VAV2: variants seen among roughly 807,000 people sequenced by gnomAD.
The protein encoded by VAV2 is guanine nucleotide exchange factor VAV2.
A neutral mutation model predicts 132.5 loss-of-function variants in VAV2; 67 were observed. That is an observed-to-expected ratio of 0.51 (90% CI 0.42 to 0.62). The LOEUF is 0.62. Ranked by LOEUF, VAV2 falls within the 20% of genes least tolerant of loss-of-function variation. The pLI is 0.00. For missense variants in VAV2, 938 were observed against 1,153.6 expected, an observed-to-expected ratio of 0.81 and a Z score of 2.71; for synonymous variants, 492 against 443.5, an observed-to-expected ratio of 1.11 and a Z score of -1.37.
At chr9:133,775,363 G>C (rs1833776756) in intron 24 of VAV2, among the ~76,000 whole-genome samples, 1 of 152,188 alleles carries the variant, frequency 6.6e-6, no homozygotes, top group Admixed American at 6.5e-5. Context: ...CAGACCCCAA[G>C]GGCCTGCCAG....
intron 2 of VAV2, among the ~76,000 whole-genome samples, chr9:133,870,858 A>G (rs1837999418): frequency 8.5e-6 from 1 of 117,870 alleles, no homozygotes; most frequent in African/African-American, 3.5e-5. Flanking sequence ...AGATGGATGG[A>G]TAAGTGGGTA....
intron 16 of VAV2, chr9:133,786,112 T>C (rs1834211696): frequency 1.8e-6 from 1 of 571,072 alleles, no homozygotes. Flanking sequence ...TGTGTGCCCA[T>C]ACCCTCACGT....
chr9:133,941,608 T>TGG (rs56802789), intron 1 of VAV2, among the ~76,000 whole-genome samples: 63 of 135,522 alleles, frequency 4.6e-4, no homozygotes, highest in South Asian at 7.0e-4. Context: ...CACTTTTTTT[T>TGG]GGGGGGGGGG....
At chr9:133,798,628 T>C (rs913390152) in intron 9 of VAV2, among the ~76,000 whole-genome samples, 3 of 152,032 alleles carry the variant, frequency 2.0e-5, no homozygotes, top group East Asian at 1.9e-4. Flanking sequence ...TAAAACCCCA[T>C]AACCCCACCG....
At chr9:133,805,239 C>A (rs535908753) in intron 9 of VAV2, among the ~76,000 whole-genome samples, 12 of 152,162 alleles carry the variant, frequency 7.9e-5, no homozygotes, top group Non-Finnish European at 1.8e-4. Flanking sequence ...TCTTCTACAA[C>A]TCCCCAGGCC....
Position 133,783,876 on chromosome 9 carries a change from C to CTTTTTTTTTTTTT in VAV2, c.1635-286_1635-285insAAAAAAAAAAAAA, listed in dbSNP as rs1564342140. Among the ~76,000 whole-genome samples, 4 of 124,974 alleles carry CTTTTTTTTTTTTT rather than the reference C, an allele frequency of 3.2e-5. 2 individuals carry two copies. The highest frequency in any genetic ancestry group is 3.2e-5 in the Non-Finnish European group (2 of 61,608). 82.0% of individuals were successfully genotyped at this position (124,974 alleles called of 152,430 possible). A position where few individuals can be genotyped will look rare whatever the true frequency, so the allele number is the denominator to read the frequency against. On this transcript the variant is annotated intron_variant, in intron 18 of 29. Transcript: ENST00000371850. ...TGAAACTCTAAGGGCTTGGCTGGGCCGTTTTTTTTTTTTTTTTTTTTGGAG... is the reference window on the plus strand; with the variant it reads ...TGAAACTCTAAGGGCTTGGCTGGGCCTTTTTTTTTTTTTGTTTTTTTTTTTTTTTTTTTTGGAG...
At chr9:133,916,838 G>A (rs189855642) in intron 2 of VAV2, among the ~76,000 whole-genome samples, 28 of 152,260 alleles carry the variant, frequency 1.8e-4, no homozygotes, top group African/African-American at 6.5e-4. Flanking sequence ...GAAGATGCTG[G>A]CATGGCAGAG....
At chr9:133,972,996 A>T (rs2810544) in intron 1 of VAV2, among the ~76,000 whole-genome samples, 2 of 152,094 alleles carry the variant, frequency 1.3e-5, no homozygotes, top group Non-Finnish European at 1.5e-5. Context: ...GCGGAGGAGG[A>T]GGGCACTGGG....
chr9:133,952,655 C>G (rs2132185616), intron 1 of VAV2, among the ~76,000 whole-genome samples: 1 of 151,904 alleles, frequency 6.6e-6, no homozygotes, highest in East Asian at 1.9e-4. Context: ...TCCCAGATTA[C>G]CCAGTAGGCC....
rs1448049131 is a variant in VAV2 at position 133,969,937 on chromosome 9, C to A, written c.204+22138G>T. ...ACCAACCCTGCCCAGGGTTCCCTGGCACACCCAGGATGAAGCCGGCCCTGC... is the reference window on the plus strand; with the variant it reads ...ACCAACCCTGCCCAGGGTTCCCTGGAACACCCAGGATGAAGCCGGCCCTGC... On this transcript the variant is annotated intron_variant, in intron 1 of 29. Transcript: ENST00000371850. The surrounding 1 kb of genome is among the most constrained non-coding windows in gnomAD (Gnocchi z 5.1). 6.6e-6 allele frequency among the ~76,000 whole-genome samples: 1 copy of A among 152,118 alleles called. No homozygotes were observed. The highest frequency in any genetic ancestry group is 1.5e-5 in the Non-Finnish European group (1 of 68,000).
At chr9:133,818,181 G>A (rs565941705) in intron 4 of VAV2, among the ~76,000 whole-genome samples, 9 of 151,974 alleles carry the variant, frequency 5.9e-5, no homozygotes, top group African/African-American at 1.4e-4. Context: ...TGTCTAACAT[G>A]ATGAAAACCC....
Position 133,885,601 on chromosome 9 carries a change from C to G in VAV2, c.322-24169G>C, listed in dbSNP as rs1312140114. Among the ~76,000 whole-genome samples the G allele has an allele frequency of 6.6e-6, 1 of 152,192 alleles. No individual in the cohort carries two copies. The highest frequency in any genetic ancestry group is 1.5e-5 in the Non-Finnish European group (1 of 68,026). On this transcript the variant is annotated intron_variant, in intron 2 of 29. Coordinates refer to ENST00000371850, the MANE Select transcript of VAV2 (RefSeq NM_001134398.2). This position sits in a 1 kb window ranked among gnomAD's most constrained non-coding sequence, Gnocchi z 5.0. ...TCAGGCCGCAGGGGAGACGTGACCCCAGGGCGGACCCCTCCCAAGCTTGGT... is the reference window on the plus strand; with the variant it reads ...TCAGGCCGCAGGGGAGACGTGACCCGAGGGCGGACCCCTCCCAAGCTTGGT...
intron 25 of VAV2, among the ~76,000 whole-genome samples, chr9:133,773,373 C>G (rs1588155899): frequency 1.3e-5 from 2 of 152,192 alleles, no homozygotes; most frequent in East Asian, 1.9e-4. Context: ...CTGGAAGTTG[C>G]TCTGGGTGAG....
chr9:133,774,629 C>T (rs984203303), intron 25 of VAV2, among the ~76,000 whole-genome samples: 6 of 152,166 alleles, frequency 3.9e-5, no homozygotes, highest in Non-Finnish European at 5.9e-5. Context: ...AGGATCTCAC[C>T]CACCCACTTG....
At chr9:133,896,212 T>C (rs1428812904) in intron 2 of VAV2, among the ~76,000 whole-genome samples, 2 of 152,210 alleles carry the variant, frequency 1.3e-5, no homozygotes, top group East Asian at 3.8e-4. Flanking sequence ...CCCAGCACTT[T>C]GGGAGCGCGA....
intron 1 of VAV2, among the ~76,000 whole-genome samples, chr9:133,946,587 T>C (rs1841368235): frequency 6.6e-6 from 1 of 152,216 alleles, no homozygotes; most frequent in Admixed American, 6.5e-5. Context: ...ACACTGCGCT[T>C]AGCAGAGACC....
chr9:133,878,742 C>T (rs1241208321), intron 2 of VAV2, among the ~76,000 whole-genome samples: 1 of 152,234 alleles, frequency 6.6e-6, no homozygotes. Context: ...GCCACGTCCC[C>T]GCCACCCACA....
At chr9:133,971,530 G>A (rs1842333915) in intron 1 of VAV2, among the ~76,000 whole-genome samples, 1 of 152,148 alleles carries the variant, frequency 6.6e-6, no homozygotes, top group Admixed American at 6.5e-5. Flanking sequence ...AGAAAGGCTG[G>A]GGGGCCTGAG....
intron 1 of VAV2, among the ~76,000 whole-genome samples, chr9:133,968,611 C>T (rs1161156358): frequency 4.6e-5 from 7 of 152,218 alleles, no homozygotes; most frequent in African/African-American, 9.6e-5. Flanking sequence ...CTAGAGCCTA[C>T]ACGACCCGGG....
Sources: allele counts gnomAD v4.1 joint callset (sites outside exome capture counted in the v4.1 genomes callset), GRCh38; gene constraint gnomAD v4.1.1; non-coding constraint Gnocchi (gnomAD v3.1); transcripts MANE v1.5; gene names NCBI Gene and HGNC (gene_info 2026-07-23, HGNC 2026-07-21).